SMAP1: variants seen among roughly 807,000 people sequenced by gnomAD.
SMAP1 encodes the protein small ArfGAP 1, also known as stromal membrane-associated protein 1.
SMAP1 carries 24 observed loss-of-function variants against 58.5 expected under a neutral mutation model. The observed-to-expected ratio is 0.41, with a 90% confidence interval of 0.30 to 0.58. The LOEUF (loss-of-function observed/expected upper bound fraction) is 0.58. Among genes scored for constraint, SMAP1 ranks in the 20% least tolerant of loss-of-function variants. SMAP1 has a pLI of 0.29. For missense variants in SMAP1, 563 were observed against 566.3 expected (o/e 0.99, Z 0.06); for synonymous variants, 216 against 196.6 (o/e 1.10, Z -0.82).
chr6:70,790,917 T>C (rs1195532485), intron 4 of SMAP1, among the ~76,000 whole-genome samples: 1 of 152,200 alleles, frequency 6.6e-6, no homozygotes, highest in Non-Finnish European at 1.5e-5. Context: ...AGCAGGAAGA[T>C]AATGCTTCCA....
chr6:70,757,488 G>A (rs1165702051), intron 3 of SMAP1, among the ~76,000 whole-genome samples: 7 of 152,018 alleles, frequency 4.6e-5, no homozygotes, highest in Non-Finnish European at 7.4e-5. Context: ...AACACCAACA[G>A]CAATGGCAAC....
chr6:70,775,492 C>T (rs1051698097), intron 4 of SMAP1, among the ~76,000 whole-genome samples: 3 of 151,956 alleles, frequency 2.0e-5, no homozygotes, highest in Non-Finnish European at 4.4e-5. Context: ...TTATAAGATA[C>T]GTGGTAGAAT....
intron 3 of SMAP1, among the ~76,000 whole-genome samples, chr6:70,761,260 G>A (rs1184566557): frequency 6.6e-6 from 1 of 151,922 alleles, no homozygotes; most frequent in African/African-American, 2.4e-5. Context: ...GAGAATTAGG[G>A]GTGCTGTACT....
chr6:70,856,165 G>T (rs960252126), intron 8 of SMAP1, among the ~76,000 whole-genome samples: 16 of 152,204 alleles, frequency 1.1e-4, no homozygotes, highest in African/African-American at 3.6e-4. Context: ...CTACGGAGAT[G>T]ATTAAGGTTA....
At chr6:70,674,572 A>G (rs1766399917) in intron 1 of SMAP1, among the ~76,000 whole-genome samples, 1 of 152,234 alleles carries the variant, frequency 6.6e-6, no homozygotes, top group Admixed American at 6.5e-5. Flanking sequence ...TTACATTCTT[A>G]CCACTGTAAA....
At chr6:70,711,677 G>A (rs1319824436) in intron 1 of SMAP1, among the ~76,000 whole-genome samples, 1 of 151,918 alleles carries the variant, frequency 6.6e-6, no homozygotes, top group Non-Finnish European at 1.5e-5. Flanking sequence ...ACAGGCGCCT[G>A]CCACCATGCC....
chr6:70,703,691 C>G (rs1458710604), intron 1 of SMAP1, among the ~76,000 whole-genome samples: 1 of 152,198 alleles, frequency 6.6e-6, no homozygotes, highest in African/African-American at 2.4e-5. Context: ...CACACGTGCA[C>G]CAATCAGTAC....
At chr6:70,840,935 A>G (rs1287244304) in intron 7 of SMAP1, among the ~76,000 whole-genome samples, 1 of 152,248 alleles carries the variant, frequency 6.6e-6, no homozygotes, top group Non-Finnish European at 1.5e-5. Context: ...AGGGTTTGTG[A>G]GAAGAGTGCT....
intron 1 of SMAP1, among the ~76,000 whole-genome samples, chr6:70,703,717 GTGA>G (rs1767729035): frequency 6.6e-6 from 1 of 152,144 alleles, no homozygotes; most frequent in South Asian, 2.1e-4. Flanking sequence ...TAAATATTCA[GTGA>G]TGACTTTTTG....
rs750830488 is a variant in SMAP1 at position 70,798,680 on chromosome 6, A to C, written c.519A>C (p.Glu173Asp). Residue 173 changes from glutamate to aspartate, a missense_variant, in exon 6 of 11, where the codon GAA becomes GAC. This residue lies in a region of SMAP1 where 494 missense variants were observed against 473.8 expected (regional missense o/e 1.04). Coordinates refer to ENST00000370455, the MANE Select transcript of SMAP1 (RefSeq NM_001044305.3). ...KLEKEKEKKKEEKKREKEPEK... is the reference protein window; with the variant it reads ...KLEKEKEKKKDEKKREKEPEK... ...AGAAAGAAAAGGAAAAAAAAAAGGAAGAGAAAAAGAGAGAAAAGGAGCCAG... is the reference window on the plus strand; with the variant it reads ...AGAAAGAAAAGGAAAAAAAAAAGGACGAGAAAAAGAGAGAAAAGGAGCCAG... 5.8e-6 allele frequency: 9 copies of C among 1,543,426 alleles called. No individual in the cohort carries two copies. The South Asian group carries it at 1.0e-4, about 17-fold the overall frequency.
At chr6:70,739,374 T>C (rs964414664) in intron 2 of SMAP1, among the ~76,000 whole-genome samples, 1 of 152,164 alleles carries the variant, frequency 6.6e-6, no homozygotes, top group African/African-American at 2.4e-5. Context: ...ATGAGGCTAA[T>C]AGAGATTTAA....
chr6:70,839,548 C>CA (rs1770724033), intron 7 of SMAP1, among the ~76,000 whole-genome samples: 1 of 152,064 alleles, frequency 6.6e-6, no homozygotes, highest in Admixed American at 6.6e-5. Flanking sequence ...AAGGGAGAAC[C>CA]AAAGTTCATT....
chr6:70,708,796 G>T (rs911624274), intron 1 of SMAP1, among the ~76,000 whole-genome samples: 3 of 151,978 alleles, frequency 2.0e-5, no homozygotes, highest in African/African-American at 4.8e-5. Context: ...TCCTTTGCCC[G>T]TTTTTAAGTA....
rs553914285 is a variant in SMAP1, at chr6:70,668,633, A to G, written c.118+492A>G. On this transcript the variant is annotated intron_variant, in intron 1 of 10. Coordinates refer to ENST00000370455, the MANE Select transcript of SMAP1 (RefSeq NM_001044305.3). ...CTCGGATTCTTGGTCTCCTAGATGG[A>G]GCCCTACCTGCCTGCCCACCTGACA... 4.6e-4 allele frequency: 700 copies of G among 1,535,762 alleles called. 3 individuals are homozygous for G. The highest frequency in any genetic ancestry group is 2.4e-3 in the South Asian group (199 of 84,046).
At chr6:70,759,050 T>G (rs1295198733) in intron 3 of SMAP1, among the ~76,000 whole-genome samples, 3 of 152,078 alleles carry the variant, frequency 2.0e-5, no homozygotes, top group Non-Finnish European at 4.4e-5. Context: ...GGTGATGATA[T>G]AAAGTGCTGG....
intron 1 of SMAP1, among the ~76,000 whole-genome samples, chr6:70,672,721 C>T (rs1266229053): frequency 6.6e-6 from 1 of 152,048 alleles, no homozygotes; most frequent in Non-Finnish European, 1.5e-5. Flanking sequence ...TGGCAGGCAG[C>T]AGGGTGTGTG....
At chr6:70,781,582 A>G (rs1484098672) in intron 4 of SMAP1, among the ~76,000 whole-genome samples, 2 of 152,224 alleles carry the variant, frequency 1.3e-5, no homozygotes, top group African/African-American at 4.8e-5. Context: ...ATGAGATTGG[A>G]GGAATCCATT....
At chr6:70,782,660 GT>G (rs1446879829) in intron 4 of SMAP1, among the ~76,000 whole-genome samples, 13 of 152,266 alleles carry the variant, frequency 8.5e-5, no homozygotes, top group African/African-American at 2.6e-4. Context: ...TTGGGACCTT[GT>G]GATCATGAAG....
intron 6 of SMAP1, among the ~76,000 whole-genome samples, chr6:70,812,670 T>C (rs1401598051): frequency 6.6e-6 from 1 of 152,206 alleles, no homozygotes; most frequent in Non-Finnish European, 1.5e-5. Flanking sequence ...AATTAAAAGA[T>C]AATCAATTGC....
Sources: gnomAD v4.1 joint callset for allele counts (sites outside exome capture counted in the v4.1 genomes callset) on GRCh38, gnomAD v4.1.1 for gene constraint, gnomAD v4.1.1 regional missense constraint, MANE v1.5 for transcripts, NCBI Gene and HGNC (gene_info 2026-07-23, HGNC 2026-07-21) for gene names.